Variants in COL6A1 observed in about 807,000 individuals in gnomAD.
COL6A1 encodes collagen type VI alpha 1 chain.
Under a neutral mutation model 145.6 loss-of-function variants are expected in COL6A1, and 80 were observed. The ratio of observed to expected loss-of-function variants is 0.55; its 90% CI spans 0.46 to 0.66. The LOEUF (loss-of-function observed/expected upper bound fraction) is 0.66. COL6A1 is among the 30% of genes least tolerant of loss of function. The pLI is 0.00. For missense variants in COL6A1, 1,364 were observed against 1,473.8 expected (o/e 0.93, Z 1.22); for synonymous variants, 638 against 622.8 (o/e 1.02, Z -0.36).
intron 3 of COL6A1, 111 bp downstream of exon 3, chr21:45,984,580 C>T: frequency 9.6e-7 from 1 of 1,045,870 alleles, no homozygotes; most frequent in South Asian, 1.3e-5. Context: ...TCCCTGTTCT[C>T]TTGGAGGCTG....
At position 45,997,495 on chromosome 21, in the gene COL6A1, T is replaced by G. The variant is rs1361084071; in HGVS notation, c.1461+12T>G. On this transcript the variant is annotated intron_variant, in intron 21 of 34. Transcript: ENST00000361866. ...CCCCAGGGTCCGAGGTGAGTCCCAC[T>G]CCCCACCCACACCCGCCCACCCAGG... The G allele has an allele frequency of 6.3e-7, 1 of 1,585,004 alleles. No homozygotes were observed. The highest frequency in any genetic ancestry group is 8.5e-7 in the Non-Finnish European group (1 of 1,170,104).
intron 26 of COL6A1, 64 bp from the exon 27 acceptor site, chr21:45,999,593 C>CT (rs2077826431): frequency 6.3e-7 from 1 of 1,579,714 alleles, no homozygotes; most frequent in Non-Finnish European, 8.7e-7. Flanking sequence ...TGGGGGCTGT[C>CT]TCAGCTCAGG....
rs2077848654 is a variant in COL6A1 at position 46,002,010 on chromosome 21, A to G, written c.2006A>G (p.Gln669Arg). Residue 669 changes from glutamine to arginine, a missense_variant, in exon 31 of 35, where the codon CAG becomes CGG. Physicochemically the swap from Gln to Arg is conservative, Grantham distance 43. Coordinates refer to ENST00000361866, the MANE Select transcript of COL6A1 (RefSeq NM_001848.3). Reference protein sequence around the residue: ...YAGVVQYSHSQMQEHVSLRSP... With the variant: ...YAGVVQYSHSRMQEHVSLRSP... Reference sequence around the variant, plus strand: ...GGTGTGGTGCAGTACAGCCACAGCCAGATGCAGGAGCACGTGAGCCTGCGC... The same window carrying G: ...GGTGTGGTGCAGTACAGCCACAGCCGGATGCAGGAGCACGTGAGCCTGCGC... 2 of 1,612,650 alleles carry G rather than the reference A, an allele frequency of 1.2e-6. No homozygotes were observed. Among genetic ancestry groups the G allele is most frequent in the Admixed American group, 1.7e-5 (1 of 60,000 alleles).
chr21:46,002,759 G>C (rs973513594), intron 33 of COL6A1, 49 bp downstream of exon 33: 1 of 1,534,856 alleles, frequency 6.5e-7, no homozygotes, highest in Admixed American at 1.8e-5. Context: ...AGGTGCGCGC[G>C]GGGCCGCCCG....
rs2077782071 is a variant in COL6A1, at chr21:45,992,399, G to A, written c.1272+1G>A. 1 of 1,612,942 alleles carries A rather than the reference G, an allele frequency of 6.2e-7. No homozygotes were observed. The highest frequency in any genetic ancestry group is 8.5e-7 in the Non-Finnish European group (1 of 1,179,880). On this transcript the variant is annotated splice_donor_variant, in intron 18 of 34. Transcript: ENST00000361866. LOFTEE classifies it high-confidence loss of function. ...ACCTGACGGTGCCCCCGGGGAGCGG[G>A]TGAGTGGGGCAGGGGCAGCCTGCGC...
At chr21:45,990,218 A>AC in intron 11 of COL6A1, 40 bp from the exon 12 acceptor site, 3 of 1,410,120 alleles carry the variant, frequency 2.1e-6, no homozygotes, top group Non-Finnish European at 3.0e-6. Context: ...TGCCCTCCCC[A>AC]CCCCAAATAC....
At position 45,986,551 on chromosome 21, in the gene COL6A1, T is replaced by A; in HGVS notation, c.454T>A (p.Tyr152Asn). Residue 152 changes from tyrosine to asparagine, a missense_variant, in exon 4 of 35, where the codon TAC (tyrosine) becomes AAC (asparagine). Tyr to Asn is a moderately radical substitution (Grantham distance 143). Transcript: ENST00000361866. ...GGGCTCCCACCTGAAGGAGAATAAGTACCTGATTGTGGTGACCGACGGGCA... is the reference window on the plus strand; with the variant it reads ...GGGCTCCCACCTGAAGGAGAATAAGAACCTGATTGTGGTGACCGACGGGCA... ...VGGSHLKENK[Y>N]LIVVTDGHPL... The A allele has an allele frequency of 6.4e-7, 1 of 1,564,726 alleles. No individual in the cohort carries two copies. The highest frequency in any genetic ancestry group is 8.7e-7 in the Non-Finnish European group (1 of 1,154,720).
chr21:45,994,279 G>A lies in COL6A1; in HGVS notation c.1398+50G>A, dbSNP rs1191310025. The A allele has an allele frequency of 3.9e-6, 6 of 1,553,028 alleles. No individual in the cohort carries two copies. Among genetic ancestry groups the A allele is most frequent in the Non-Finnish European group, 5.3e-6 (6 of 1,137,518 alleles). On this transcript the variant is annotated intron_variant, in intron 20 of 34. Coordinates refer to ENST00000361866, the MANE Select transcript of COL6A1 (RefSeq NM_001848.3). This position sits in a 1 kb window ranked among gnomAD's most constrained non-coding sequence, Gnocchi z 6.8. Reference sequence around the variant, plus strand: ...GGCGTTGGCCAATTTGGGTTTTGGGGGTAGAAGTGCTCCAGCAGCTCACGC... The same window carrying A: ...GGCGTTGGCCAATTTGGGTTTTGGGAGTAGAAGTGCTCCAGCAGCTCACGC...
chr21:45,998,766 A>G (rs2077821247), intron 24 of COL6A1, 131 bp from the exon 25 acceptor site: 1 of 1,198,814 alleles, frequency 8.3e-7, no homozygotes, highest in African/African-American at 1.5e-5. Flanking sequence ...TCTCCAGCCC[A>G]GGAAATGTGT....
In COL6A1 at chr21:45,994,177, G is replaced by T; in HGVS notation, c.1346G>T (p.Gly449Val). The change falls in exon 20 of 35, where the codon GGC becomes GTC. Residue 449 changes from glycine (G) to valine (V), a missense_variant. Gly to Val is a moderately radical substitution (Grantham distance 109, BLOSUM62 -3). Coordinates refer to ENST00000361866, the MANE Select transcript of COL6A1 (RefSeq NM_001848.3). The surrounding 1 kb of genome is among the most constrained non-coding windows in gnomAD (Gnocchi z 6.8). ...CTCGTTTCTCTTCAGGGTGAAGCTG[G>T]CCCGCAGGGTGATCAGGGAAGAGAA... ...RGPRGDPGEA[G>V]PQGDQGREGP... is the part of the protein sequence containing the mutation. 1 of 1,603,490 alleles carries T rather than the reference G, an allele frequency of 6.2e-7. No homozygotes were observed. Among genetic ancestry groups the T allele is most frequent in the Non-Finnish European group, 8.5e-7 (1 of 1,176,096 alleles).
At chr21:45,982,847 G>A (rs2077715867) in intron 2 of COL6A1, 84 bp downstream of exon 2, 4 of 1,573,072 alleles carry the variant, frequency 2.5e-6, no homozygotes, top group African/African-American at 1.4e-5. Flanking sequence ...ACACGGGTGC[G>A]ACGGCCTCAA....
chr21:45,983,009 C>T (rs575312567), intron 2 of COL6A1, among the ~76,000 whole-genome samples: 1 of 152,302 alleles, frequency 6.6e-6, no homozygotes, highest in East Asian at 1.9e-4. Context: ...ACCCTGCTCG[C>T]GGGGGTGGCA....
chr21:45,983,698 G>T (rs949970540), intron 2 of COL6A1, among the ~76,000 whole-genome samples: 2 of 152,192 alleles, frequency 1.3e-5, no homozygotes, highest in African/African-American at 4.8e-5. Context: ...GGGAGGGGCG[G>T]CCGCGTGGCC....
In COL6A1 at chr21:46,002,033, C is replaced by T. The variant is rs189623561; in HGVS notation, c.2029C>T (p.Arg677Cys). The T allele has an allele frequency of 7.3e-5, 117 of 1,612,464 alleles. No individual in the cohort carries two copies. The highest frequency in any genetic ancestry group is 1.7e-4 in the Middle Eastern group (1 of 6,052). The change falls in exon 31 of 35, where the codon CGC (arginine) becomes TGC (cysteine). Residue 677 changes from arginine to cysteine, a missense_variant. Arg to Cys is a radical substitution (Grantham distance 180). Around this residue, in one of 3 missense-constraint regions of COL6A1, gnomAD observed 938 missense variants for 1,003.8 expected, o/e 0.93. Transcript: ENST00000361866. ...HSQMQEHVSLRSPSIRNVQEL... is the reference protein window; with the variant it reads ...HSQMQEHVSLCSPSIRNVQEL... ...CCAGATGCAGGAGCACGTGAGCCTG[C>T]GCAGCCCCAGCATCCGGAACGTGCA...
In COL6A1 at chr21:46,004,356, G is replaced by A. The variant is rs554489309; in HGVS notation, c.*343G>A. On this transcript the variant is annotated 3_prime_UTR_variant, in exon 35 of 35. Coordinates refer to ENST00000361866, the MANE Select transcript of COL6A1 (RefSeq NM_001848.3). ...TGGCCTCACCTGGGTTCCCCACCCC[G>A]GGCTCTCCTGCCCTGCCCTCCTGCC... The A allele has an allele frequency of 7.1e-5, 29 of 406,640 alleles. No homozygotes were observed. Among genetic ancestry groups the A allele is most frequent in the East Asian group, 2.1e-4 (4 of 18,878 alleles). The allele number at this position is 406,640 out of a possible 1,614,324, so 25.2% of individuals were successfully genotyped here. A position where few individuals can be genotyped will look rare whatever the true frequency, so the allele number is the denominator to read the frequency against.
rs779330803 is a variant in COL6A1 at position 45,992,757 on chromosome 21, GGA to G, written c.1290_1291del (p.Gly431ThrfsTer16). On this transcript the variant is annotated frameshift_variant, in exon 19 of 35. Transcript: ENST00000361866. LOFTEE classifies it high-confidence loss of function. ...DGAPGERGGP[G>X]ERGPRGTPGT... ...ATGTCTCTCCACTCAGGGTGGCCCT[GGA>G]GAGAGAGGACCACGGGGGACCCCAG... 6.3e-7 allele frequency: 1 copy of G among 1,596,494 alleles called. No homozygotes were observed. The highest frequency in any genetic ancestry group is 8.5e-7 in the Non-Finnish European group (1 of 1,172,170).
At chr21:45,996,625 G>GGGGCCAGGTGGGCCAGGT (rs369883259) in intron 20 of COL6A1, among the ~76,000 whole-genome samples, 3 of 152,232 alleles carry the variant, frequency 2.0e-5, no homozygotes, top group Non-Finnish European at 4.4e-5. Context: ...GCTCATGGCT[G>GGGGCCAGGTGGGCCAGGT]GGGCCAGGTG....
Position 45,989,655 on chromosome 21 carries a change from A to T in COL6A1, c.903+3A>T. 1 of 1,613,162 alleles carries T rather than the reference A, an allele frequency of 6.2e-7. No individual in the cohort carries two copies. The highest frequency in any genetic ancestry group is 1.1e-5 in the South Asian group (1 of 91,084). Reference sequence around the variant, plus strand: ...CTGTTGGGTACCAGGGAATGAAGGTACGTGCCCCCCCTTTCCTGGCCCGAG... The same window carrying T: ...CTGTTGGGTACCAGGGAATGAAGGTTCGTGCCCCCCCTTTCCTGGCCCGAG... On this transcript the variant is annotated splice_donor_region_variant and intron_variant, in intron 10 of 34. Coordinates refer to ENST00000361866, the MANE Select transcript of COL6A1 (RefSeq NM_001848.3).
At position 45,989,188 on chromosome 21, in the gene COL6A1, C is replaced by G. The variant is rs529738900; in HGVS notation, c.858+51C>G. 11 of 1,552,374 alleles carry G rather than the reference C, an allele frequency of 7.1e-6. No individual in the cohort carries two copies. The Admixed American group carries it at 2.0e-4, about 28-fold the overall frequency. ...GCCCTAAGAAGCTGGAGGCGGGGAA[C>G]GACTAGGCCTCGGAAACTTCCGGAA... On this transcript the variant is annotated intron_variant, in intron 9 of 34. Transcript: ENST00000361866.
Sources: gnomAD v4.1 joint callset for allele counts (sites outside exome capture counted in the v4.1 genomes callset) on GRCh38, gnomAD v4.1.1 for gene constraint, gnomAD v4.1.1 regional missense constraint, Gnocchi (gnomAD v3.1) non-coding constraint, MANE v1.5 for transcripts, NCBI Gene and HGNC (gene_info 2026-07-23, HGNC 2026-07-21) for gene names.